N4BP2L1: variants seen among roughly 807,000 people sequenced by gnomAD.
The protein encoded by N4BP2L1 is NEDD4 binding protein 2 like 1.
A neutral mutation model predicts 21.2 loss-of-function variants in N4BP2L1; 12 were observed. That is an observed-to-expected ratio of 0.57 (90% CI 0.36 to 0.92). The LOEUF (loss-of-function observed/expected upper bound fraction) is 0.92. Among genes scored for constraint, N4BP2L1 ranks in the 40% least tolerant of loss-of-function variants. N4BP2L1 has a pLI of 0.01. For synonymous variants in N4BP2L1, 104 were observed against 112.8 expected (o/e 0.92, Z 0.49); for missense variants, 259 against 310.6 (o/e 0.83, Z 1.25).
intron 1 of N4BP2L1, among the ~76,000 whole-genome samples, chr13:32,422,277 C>T (rs955164013): frequency 3.3e-5 from 5 of 152,162 alleles, no homozygotes; most frequent in Admixed American, 6.5e-5. Context: ...TTTCATTATA[C>T]GACAGATCAA....
chr13:32,402,963 G>T lies in N4BP2L1; in HGVS notation c.711C>A (p.Gly237=), dbSNP rs760439916. Residue 237 remains glycine, a synonymous_variant, in exon 5 of 5, where the codon GGC becomes GGA. Coordinates refer to ENST00000380130, the MANE Select transcript of N4BP2L1 (RefSeq NM_052818.3). ...GCCTCTAATATCCATGGTGACAACCGCCCCTTCTGTGATAGGAGCTCTCAT... is the reference window on the plus strand; with the variant it reads ...GCCTCTAATATCCATGGTGACAACCTCCCCTTCTGTGATAGGAGCTCTCAT... ...FTNESSYHRR[G]GCHHGY The T allele has an allele frequency of 6.2e-7, 1 of 1,608,436 alleles. No individual in the cohort carries two copies.
chr13:32,412,397 CG>C, intron 1 of N4BP2L1, among the ~76,000 whole-genome samples: 1 of 152,178 alleles, frequency 6.6e-6, no homozygotes, highest in Non-Finnish European at 1.5e-5. Context: ...GAGGCCAAGA[CG>C]GGCGGATCAC....
In N4BP2L1 at chr13:32,407,597, C is replaced by A. The variant is rs2073604935; in HGVS notation, c.307+48G>T. On this transcript the variant is annotated intron_variant, in intron 2 of 4. Coordinates refer to ENST00000380130, the MANE Select transcript of N4BP2L1 (RefSeq NM_052818.3). ...TTATTCATTCTGCAGCAGCTACAAT[C>A]TATGTGCACATCAGGGTTTCCCAGG... The A allele has an allele frequency of 1.9e-6, 3 of 1,608,748 alleles. No homozygotes were observed. In the African/African-American group the frequency reaches 4.0e-5, roughly 21 times the overall value.
intron 1 of N4BP2L1, among the ~76,000 whole-genome samples, chr13:32,408,900 C>A (rs1452135582): frequency 6.6e-6 from 1 of 152,194 alleles, no homozygotes; most frequent in African/African-American, 2.4e-5. Flanking sequence ...TGAGTAAGCA[C>A]TTCAGGTGCC....
chr13:32,402,377 C>G lies in N4BP2L1; in HGVS notation c.*565G>C, dbSNP rs1183589011. On this transcript the variant is annotated 3_prime_UTR_variant, in exon 5 of 5. Transcript: ENST00000380130. ...AAGAAATAACTTCCCAAAGTGTCTA[C>G]TTTGAAGGACAATGTTCCCTTAGAT... is the stretch of plus-strand genomic sequence containing the variant. 2.8e-6 allele frequency: 2 copies of G among 721,140 alleles called. No homozygotes were observed. The highest frequency in any genetic ancestry group is 3.4e-6 in the Non-Finnish European group (2 of 589,060). 44.7% of individuals were successfully genotyped at this position (721,140 alleles called of 1,614,324 possible). A position where few individuals can be genotyped will look rare whatever the true frequency, so the allele number is the denominator to read the frequency against.
rs185681623 is a variant in N4BP2L1 at position 32,414,973 on chromosome 13, G to A, written c.180-7201C>T. Among the ~76,000 whole-genome samples, 501 of 152,282 alleles carry A rather than the reference G, an allele frequency of 3.3e-3. 3 individuals carry two copies. Among genetic ancestry groups the A allele is most frequent in the Admixed American group, 5.0e-3 (77 of 15,300 alleles). Reference sequence around the variant, plus strand: ...CTGAACTACAATCTTTTCCCCACAGGCATTAATATTTTAAATTTAGGTTTC... The same window carrying A: ...CTGAACTACAATCTTTTCCCCACAGACATTAATATTTTAAATTTAGGTTTC... On this transcript the variant is annotated intron_variant, in intron 1 of 4. Transcript: ENST00000380130.
chr13:32,422,436 T>C (rs940209401), intron 1 of N4BP2L1, among the ~76,000 whole-genome samples: 1 of 152,238 alleles, frequency 6.6e-6, no homozygotes, highest in Non-Finnish European at 1.5e-5. Flanking sequence ...TCAGACCAGA[T>C]GAACTCCAGG....
intron 3 of N4BP2L1, among the ~76,000 whole-genome samples, chr13:32,405,108 G>A (rs1270834306): frequency 6.6e-6 from 1 of 152,126 alleles, no homozygotes; most frequent in Non-Finnish European, 1.5e-5. Flanking sequence ...TGAGATGGGC[G>A]CTTCTCAACT....
At position 32,407,871 on chromosome 13, in the gene N4BP2L1, T is replaced by C. The variant is rs922457021; in HGVS notation, c.180-99A>G. The C allele has an allele frequency of 5.2e-6, 7 of 1,344,890 alleles. No individual in the cohort carries two copies. The South Asian group carries it at 1.0e-4, about 19-fold the overall frequency. The allele number at this position is 1,344,890 out of a possible 1,614,324, so 83.3% of individuals were successfully genotyped here. On this transcript the variant is annotated intron_variant, in intron 1 of 4. Transcript: ENST00000380130. ...ATCTCTAACATTTAGCAGTTTATAATTCTGAGACCACCAGGTTTGGAGTTG... is the reference window on the plus strand; with the variant it reads ...ATCTCTAACATTTAGCAGTTTATAACTCTGAGACCACCAGGTTTGGAGTTG...
intron 3 of N4BP2L1, chr13:32,406,721 C>T (rs7327471): frequency 0.039 from 6,033 of 153,460 alleles, 375 homozygotes; most frequent in African/African-American, 0.14. Context: ...CCGCCCACCT[C>T]GGCCCCCCAA....
In N4BP2L1 at chr13:32,407,289, G is replaced by T; in HGVS notation, c.357C>A (p.Thr119=). The T allele has an allele frequency of 6.2e-7, 1 of 1,614,154 alleles. No homozygotes were observed. The highest frequency in any genetic ancestry group is 1.1e-5 in the South Asian group (1 of 91,084). Residue 119 remains threonine, a synonymous_variant, in exon 3 of 5, where the codon ACC becomes ACA. Transcript: ENST00000380130. The part of the protein sequence containing the change: ...NGISPIIIDN[T]NLHAWEMKPY... ...GCTTCATTTCCCAGGCGTGGAGGTTGGTATTATCAATAATAATGGGGGATA... is the reference window on the plus strand; with the variant it reads ...GCTTCATTTCCCAGGCGTGGAGGTTTGTATTATCAATAATAATGGGGGATA...
chr13:32,415,620 T>C (rs1593276738), intron 1 of N4BP2L1, among the ~76,000 whole-genome samples: 1 of 152,362 alleles, frequency 6.6e-6, no homozygotes, highest in African/African-American at 2.4e-5. Flanking sequence ...TAACTCCTTT[T>C]TAATTTTCTG....
At chr13:32,406,161 A>G (rs2073488178) in intron 3 of N4BP2L1, among the ~76,000 whole-genome samples, 2 of 151,732 alleles carry the variant, frequency 1.3e-5, no homozygotes, top group African/African-American at 2.4e-5. Context: ...CACCCGCCTC[A>G]GCCTCCCAAA....
chr13:32,427,828 T>A (rs748463631), intron 1 of N4BP2L1, 76 bp downstream of exon 1: 317 of 1,027,622 alleles, frequency 3.1e-4, no homozygotes, highest in Non-Finnish European at 6.6e-5. Context: ...GGGAGCGGCT[T>A]GGGGCAGGGG....
intron 1 of N4BP2L1, among the ~76,000 whole-genome samples, chr13:32,418,876 G>A (rs139743489): frequency 0.051 from 7,779 of 152,284 alleles, 361 homozygotes; most frequent in African/African-American, 0.13. Flanking sequence ...TGGAATAGGT[G>A]TATTTACCCA....
intron 1 of N4BP2L1, among the ~76,000 whole-genome samples, chr13:32,414,493 T>C (rs984004989): frequency 6.6e-6 from 1 of 152,176 alleles, no homozygotes; most frequent in Non-Finnish European, 1.5e-5. Context: ...TGAATGTCAA[T>C]TTTTTATTAT....
chr13:32,428,570 C>T (rs77988625), upstream of N4BP2L1, among the ~76,000 whole-genome samples: 8,749 of 152,252 alleles, frequency 0.057, 845 homozygotes, highest in African/African-American at 0.2. Context: ...TTGTGAGCAC[C>T]AACATCTGGC....
chr13:32,403,414 G>A (rs2073271404), intron 4 of N4BP2L1, among the ~76,000 whole-genome samples: 1 of 152,120 alleles, frequency 6.6e-6, no homozygotes, highest in Non-Finnish European at 1.5e-5. Context: ...CCTGAGGCTA[G>A]CAAGGAGCTA....
At chr13:32,422,409 T>C (rs2074533899) in intron 1 of N4BP2L1, among the ~76,000 whole-genome samples, 1 of 152,218 alleles carries the variant, frequency 6.6e-6, no homozygotes, top group Non-Finnish European at 1.5e-5. Flanking sequence ...GATGTTTAGC[T>C]TCTCAGTGTC....
Sources: gnomAD v4.1 joint callset for allele counts (sites outside exome capture counted in the v4.1 genomes callset) on GRCh38, gnomAD v4.1.1 for gene constraint, MANE v1.5 for transcripts, NCBI Gene and HGNC (gene_info 2026-07-23, HGNC 2026-07-21) for gene names.